The following LYPD6 variants were observed in gnomAD, a reference collection of about 807,000 sequenced individuals.
The protein encoded by LYPD6 is ly6/PLAUR domain-containing protein 6.
LYPD6 carries 15 observed loss-of-function variants against 22.7 expected under a neutral mutation model. The ratio of observed to expected loss-of-function variants is 0.66; its 90% CI spans 0.44 to 1.02. The LOEUF (loss-of-function observed/expected upper bound fraction) is 1.02. Among genes scored for constraint, LYPD6 ranks in the 50% least tolerant of loss-of-function variants. The pLI is 0.00. For missense variants in LYPD6, 189 were observed against 208.4 expected (o/e 0.91, Z 0.57); for synonymous variants, 72 against 77.5 (o/e 0.93, Z 0.37).
chr2:149,372,072 T>C (rs777631971), intron 1 of LYPD6, among the ~76,000 whole-genome samples: 5 of 152,160 alleles, frequency 3.3e-5, no homozygotes, highest in Admixed American at 1.3e-4. Context: ...GATATTTATT[T>C]GAATAGGTCC....
chr2:149,370,399 C>T (rs184765656), intron 1 of LYPD6: 1 of 151,990 alleles, frequency 6.6e-6, no homozygotes, highest in African/African-American at 2.4e-5. Context: ...AGAGGTGGAG[C>T]CTTTAGGAGG....
intron 1 of LYPD6, among the ~76,000 whole-genome samples, chr2:149,369,920 A>C (rs1681768076): frequency 6.9e-6 from 1 of 145,956 alleles, no homozygotes. Flanking sequence ...TAGACAATAC[A>C]GCTGAAGGAG....
intron 3 of LYPD6, among the ~76,000 whole-genome samples, chr2:149,464,975 CA>C (rs1037814954): frequency 2.4e-4 from 36 of 151,988 alleles, no homozygotes; most frequent in African/African-American, 8.2e-4. Context: ...TGGGTTGAGA[CA>C]CATTAGGTGT....
intron 1 of LYPD6, among the ~76,000 whole-genome samples, chr2:149,392,812 T>C (rs533752327): frequency 6.6e-6 from 1 of 152,150 alleles, no homozygotes; most frequent in East Asian, 1.9e-4. Flanking sequence ...GATCACAAGG[T>C]CCGGAGTTCA....
At chr2:149,462,104 G>C (rs1188637091) in intron 3 of LYPD6, among the ~76,000 whole-genome samples, 1 of 150,360 alleles carries the variant, frequency 6.7e-6, no homozygotes, top group Non-Finnish European at 1.5e-5. Context: ...AAATATGACT[G>C]TCCTTTTTCA....
chr2:149,415,700 A>G (rs941508334), intron 1 of LYPD6, among the ~76,000 whole-genome samples: 1 of 152,096 alleles, frequency 6.6e-6, no homozygotes, highest in African/African-American at 2.4e-5. Flanking sequence ...AGGGTTTCAC[A>G]TCGTCCCCCA....
intron 1 of LYPD6, among the ~76,000 whole-genome samples, chr2:149,346,034 C>G (rs1001033439): frequency 6.6e-6 from 1 of 152,048 alleles, no homozygotes; most frequent in Non-Finnish European, 1.5e-5. Flanking sequence ...GAATAGATGT[C>G]AAGTAGATAT....
At chr2:149,408,981 T>C (rs1001967613) in intron 1 of LYPD6, among the ~76,000 whole-genome samples, 1 of 152,186 alleles carries the variant, frequency 6.6e-6, no homozygotes, top group African/African-American at 2.4e-5. Context: ...GTGTTAACCT[T>C]GTTTTGTCAT....
intron 1 of LYPD6, among the ~76,000 whole-genome samples, chr2:149,385,106 T>TCCTCC (rs1682155240): frequency 1.3e-5 from 2 of 152,120 alleles, no homozygotes; most frequent in Non-Finnish European, 2.9e-5. Flanking sequence ...TTCCTCTCCT[T>TCCTCC]TCATTTTATC....
At chr2:149,482,348 T>C in the LYPD6 span, among the ~76,000 whole-genome samples, 1 of 152,182 alleles carries the variant, frequency 6.6e-6, no homozygotes, top group Admixed American at 6.5e-5. Context: ...ATAACCAGAA[T>C]GCAGTTACAA....
chr2:149,361,158 C>T (rs752954949), intron 1 of LYPD6, among the ~76,000 whole-genome samples: 1 of 152,100 alleles, frequency 6.6e-6, no homozygotes, highest in Non-Finnish European at 1.5e-5. Context: ...GCTTAAATAT[C>T]ATCTTCAGCT....
At chr2:149,419,906 C>T (rs142025312) in intron 1 of LYPD6, among the ~76,000 whole-genome samples, 13 of 152,164 alleles carry the variant, frequency 8.5e-5, no homozygotes, top group African/African-American at 3.1e-4. Context: ...AGTGTAACTA[C>T]AGAAATTGTA....
At chr2:149,476,401 A>G (rs1331733517), downstream of LYPD6, among the ~76,000 whole-genome samples, 2 of 152,232 alleles carry the variant, frequency 1.3e-5, no homozygotes, top group Non-Finnish European at 2.9e-5. Context: ...TGTCTAAATT[A>G]GACCTTATCA....
At chr2:149,369,628 A>G (rs1293527035) in intron 1 of LYPD6, among the ~76,000 whole-genome samples, 2 of 152,158 alleles carry the variant, frequency 1.3e-5, no homozygotes, top group African/African-American at 4.8e-5. Flanking sequence ...CGTATCTACC[A>G]TGGGCAGCTG....
upstream of LYPD6, chr2:149,330,481 C>T (rs1414398079): frequency 6.7e-6 from 1 of 149,210 alleles, no homozygotes; most frequent in African/African-American, 2.4e-5. Context: ...GTCCCGCGGC[C>T]CTCGAGGCCG....
chr2:149,469,160 A>G (rs568070626), intron 4 of LYPD6, among the ~76,000 whole-genome samples: 4 of 152,298 alleles, frequency 2.6e-5, no homozygotes, highest in African/African-American at 7.2e-5. Context: ...CAGCTTTGAT[A>G]ACTTTCTGTA....
At chr2:149,395,123 G>A (rs980044057) in intron 1 of LYPD6, among the ~76,000 whole-genome samples, 1 of 151,374 alleles carries the variant, frequency 6.6e-6, no homozygotes. Flanking sequence ...TTCCATTTGA[G>A]TAGTCAGTTG....
chr2:149,330,778 C>G (rs1035545622), intron 1 of LYPD6, 56 bp downstream of exon 1: 1 of 152,232 alleles, frequency 6.6e-6, no homozygotes, highest in African/African-American at 2.4e-5. Flanking sequence ...TTGGTGCCAG[C>G]GGCCCCGGCT....
intron 1 of LYPD6, among the ~76,000 whole-genome samples, chr2:149,406,584 G>C (rs193097628): frequency 3.9e-5 from 6 of 152,166 alleles, no homozygotes; most frequent in Admixed American, 2.0e-4. Context: ...CCATTTGCTT[G>C]ATAGATCTTC....
Sources: allele counts gnomAD v4.1 joint callset (sites outside exome capture counted in the v4.1 genomes callset), GRCh38; gene constraint gnomAD v4.1.1; transcripts MANE v1.5; gene names NCBI Gene and HGNC (gene_info 2026-07-23, HGNC 2026-07-21).